The following DNAI4 variants were observed in gnomAD, a reference collection of about 807,000 sequenced individuals.
DNAI4 encodes WD repeat domain 78.
DNAI4 carries 85 observed loss-of-function variants against 105.8 expected under a neutral mutation model. That is an observed-to-expected ratio of 0.80 (90% CI 0.67 to 0.96). The LOEUF is 0.96. DNAI4 is among the 40% of genes least tolerant of loss of function. DNAI4 has a pLI of 0.00. For missense variants in DNAI4, 1,014 were observed against 1,005.6 expected (o/e 1.01, Z -0.11); for synonymous variants, 352 against 331.5 (o/e 1.06, Z -0.67).
At chr1:66,849,617 T>A (rs955791425) in intron 7 of DNAI4, among the ~76,000 whole-genome samples, 1 of 151,956 alleles carries the variant, frequency 6.6e-6, no homozygotes, top group Non-Finnish European at 1.5e-5. Context: ...AAAGCAAACA[T>A]CATAAAAATC....
intron 7 of DNAI4, among the ~76,000 whole-genome samples, chr1:66,852,390 T>TA (rs1646414846): frequency 6.6e-6 from 1 of 151,936 alleles, no homozygotes; most frequent in Admixed American, 6.6e-5. Context: ...ATGAAACTAT[T>TA]ATAATAAAGT....
At chr1:66,821,993 T>C (rs1645636333) in intron 16 of DNAI4, among the ~76,000 whole-genome samples, 1 of 152,172 alleles carries the variant, frequency 6.6e-6, no homozygotes, top group African/African-American at 2.4e-5. Flanking sequence ...GGAAAATATC[T>C]AAAAATAGAA....
chr1:66,923,563 C>T (rs1486729750), intron 1 of DNAI4, among the ~76,000 whole-genome samples: 4 of 152,114 alleles, frequency 2.6e-5, no homozygotes, highest in Non-Finnish European at 2.9e-5. Context: ...GCGATAAACC[C>T]GACCGACACT....
At position 66,924,853 on chromosome 1, in the gene DNAI4, C is replaced by G; in HGVS notation, c.-22G>C. On this transcript the variant is annotated 5_prime_UTR_variant, in exon 1 of 17. Coordinates refer to ENST00000371026, the MANE Select transcript of DNAI4 (RefSeq NM_024763.5). Reference sequence around the variant, plus strand: ...TCATGGCGACGGTGGAGCCCTGGCTCAACAAGCGGCCGCGCGGTTGGCTGG... The same window carrying G: ...TCATGGCGACGGTGGAGCCCTGGCTGAACAAGCGGCCGCGCGGTTGGCTGG... 1 of 1,610,194 alleles carries G rather than the reference C, an allele frequency of 6.2e-7. No individual in the cohort carries two copies. Among genetic ancestry groups the G allele is most frequent in the South Asian group, 1.1e-5 (1 of 91,034 alleles).
chr1:66,894,163 G>T (rs2100783969), intron 2 of DNAI4, among the ~76,000 whole-genome samples: 1 of 152,202 alleles, frequency 6.6e-6, no homozygotes, highest in South Asian at 2.1e-4. Context: ...CCTCGGGCAG[G>T]TCCTTTAGTG....
At chr1:66,893,905 G>A (rs1648079863) in intron 2 of DNAI4, among the ~76,000 whole-genome samples, 1 of 152,122 alleles carries the variant, frequency 6.6e-6, no homozygotes. Context: ...CTATCACCTA[G>A]TGACATCACA....
intron 7 of DNAI4, among the ~76,000 whole-genome samples, chr1:66,859,330 G>A (rs1158605244): frequency 6.9e-6 from 1 of 145,344 alleles, no homozygotes; most frequent in Non-Finnish European, 1.5e-5. Flanking sequence ...TGAGAAACAG[G>A]AATGCTCACT....
chr1:66,913,541 C>G (rs1649818488), intron 1 of DNAI4, among the ~76,000 whole-genome samples: 1 of 152,106 alleles, frequency 6.6e-6, no homozygotes, highest in Non-Finnish European at 1.5e-5. Flanking sequence ...GTGGAAGTAT[C>G]TGGGCAATTG....
chr1:66,836,822 C>A (rs1280790692), intron 10 of DNAI4, among the ~76,000 whole-genome samples: 1 of 152,176 alleles, frequency 6.6e-6, no homozygotes, highest in African/African-American at 2.4e-5. Flanking sequence ...TTTTTATATG[C>A]TCTTCTGACC....
At chr1:66,870,587 T>C (rs1225255770) in intron 6 of DNAI4, among the ~76,000 whole-genome samples, 4 of 148,764 alleles carry the variant, frequency 2.7e-5, no homozygotes, top group Non-Finnish European at 5.9e-5. Flanking sequence ...CCCATCTCTA[T>C]AAAAATACAA....
At chr1:66,869,786 T>G (rs1441870315) in intron 6 of DNAI4, among the ~76,000 whole-genome samples, 1 of 152,110 alleles carries the variant, frequency 6.6e-6, no homozygotes, top group Non-Finnish European at 1.5e-5. Flanking sequence ...CCTATAAAAT[T>G]TATAGCATGG....
intron 1 of DNAI4, among the ~76,000 whole-genome samples, chr1:66,913,764 C>T (rs1216349117): frequency 1.3e-5 from 2 of 151,984 alleles, no homozygotes; most frequent in African/African-American, 4.8e-5. Context: ...GGGCGAATCA[C>T]GAGGTCAGGA....
intron 4 of DNAI4, among the ~76,000 whole-genome samples, chr1:66,885,755 A>AT (rs1301121676): frequency 2.0e-5 from 3 of 152,024 alleles, no homozygotes; most frequent in African/African-American, 7.3e-5. Flanking sequence ...TATAGGTAAG[A>AT]TTTTTTTCCT....
chr1:66,840,377 C>T (rs1405073578), intron 9 of DNAI4, 92 bp downstream of exon 9: 1 of 1,206,950 alleles, frequency 8.3e-7, no homozygotes, highest in African/African-American at 1.5e-5. Flanking sequence ...ATTCCTTGTG[C>T]CATATCTAAG....
chr1:66,832,119 A>G (rs2100404700), intron 13 of DNAI4, among the ~76,000 whole-genome samples: 1 of 152,290 alleles, frequency 6.6e-6, no homozygotes, highest in Non-Finnish European at 1.5e-5. Flanking sequence ...AATGTTCCCT[A>G]ACGGGAAAAT....
intron 6 of DNAI4, among the ~76,000 whole-genome samples, chr1:66,865,500 T>A (rs1392503844): frequency 6.6e-6 from 1 of 152,144 alleles, no homozygotes; most frequent in Non-Finnish European, 1.5e-5. Context: ...TGGATGAAAC[T>A]GGAAGAGATA....
chr1:66,822,729 G>A (rs1004906223), intron 15 of DNAI4, among the ~76,000 whole-genome samples: 4 of 152,056 alleles, frequency 2.6e-5, no homozygotes, highest in Non-Finnish European at 4.4e-5. Context: ...GTAAATTAAA[G>A]TACTTCACAA....
At chr1:66,905,119 A>G (rs1015131087) in intron 2 of DNAI4, 82 bp downstream of exon 2, 7 of 1,083,532 alleles carry the variant, frequency 6.5e-6, no homozygotes, top group Non-Finnish European at 8.8e-6. Flanking sequence ...ATCTGAAAGC[A>G]GCATATTTTC....
chr1:66,864,647 C>T (rs1305956450), intron 6 of DNAI4, among the ~76,000 whole-genome samples: 3 of 151,878 alleles, frequency 2.0e-5, no homozygotes, highest in African/African-American at 7.3e-5. Flanking sequence ...GTCAAGAGAT[C>T]GAGACCATCC....
Sources: allele counts gnomAD v4.1 joint callset (sites outside exome capture counted in the v4.1 genomes callset), GRCh38; gene constraint gnomAD v4.1.1; transcripts MANE v1.5; gene names NCBI Gene and HGNC (gene_info 2026-07-23, HGNC 2026-07-21).